The following HDAC9 variants were observed in gnomAD, a reference collection of about 807,000 sequenced individuals.
HDAC9 encodes the protein histone deacetylase 9.
A neutral mutation model predicts 139.4 loss-of-function variants in HDAC9; 41 were observed. The ratio of observed to expected loss-of-function variants is 0.29; its 90% CI spans 0.23 to 0.38. The LOEUF (loss-of-function observed/expected upper bound fraction) is 0.38, where lower values mean the gene tolerates loss of function less well. HDAC9 is among the 10% of genes least tolerant of loss of function. The pLI is 1.00. For missense variants in HDAC9, 1,147 were observed against 1,297.0 expected, an observed-to-expected ratio of 0.88 and a Z score of 1.78; for synonymous variants, 517 against 476.2, an observed-to-expected ratio of 1.09 and a Z score of -1.12.
intron 2 of HDAC9, among the ~76,000 whole-genome samples, chr7:18,542,330 A>T (rs575583119): frequency 1.3e-5 from 2 of 152,114 alleles, no homozygotes; most frequent in Non-Finnish European, 2.9e-5. Context: ...TCTATACCTC[A>T]ATTTCCTCAT....
chr7:18,151,027 A>G (rs1786740908), intron 1 of HDAC9, among the ~76,000 whole-genome samples: 1 of 152,152 alleles, frequency 6.6e-6, no homozygotes, highest in Non-Finnish European at 1.5e-5. Flanking sequence ...ATATGTGTTA[A>G]TCTGTCTCAG....
intron 1 of HDAC9, among the ~76,000 whole-genome samples, chr7:18,121,812 T>G (rs1784381175): frequency 6.8e-6 from 1 of 148,048 alleles, no homozygotes; most frequent in African/African-American, 2.4e-5. Flanking sequence ...TTACTAATGA[T>G]TGCAATTTAT....
chr7:18,997,714 A>G lies in HDAC9; in HGVS notation c.*1652A>G, dbSNP rs1786545955. 6.6e-6 allele frequency: 1 copy of G among 152,168 alleles called. No homozygotes were observed. Among genetic ancestry groups the G allele is most frequent in the African/African-American group, 2.4e-5 (1 of 41,458 alleles). The allele number at this position is 152,168 out of a possible 1,614,324, so 9.4% of individuals were successfully genotyped here. ...GAGAGGACTCTAACCTGTAAATCAA[A>G]GATGAAAGATTTCACTCAAGTAGAA... is the stretch of plus-strand genomic sequence containing the variant. On this transcript the variant is annotated 3_prime_UTR_variant, in exon 26 of 26. Coordinates refer to ENST00000686413, the MANE Select transcript of HDAC9 (RefSeq NM_178425.4).
At chr7:18,958,537 C>T (rs979983320) in intron 24 of HDAC9, among the ~76,000 whole-genome samples, 1 of 152,124 alleles carries the variant, frequency 6.6e-6, no homozygotes, top group Non-Finnish European at 1.5e-5. Context: ...TTCAGACCTA[C>T]AAAAGGAAAT....
chr7:18,379,765 C>T (rs566903367), intron 1 of HDAC9, among the ~76,000 whole-genome samples: 1 of 152,138 alleles, frequency 6.6e-6, no homozygotes, highest in Non-Finnish European at 1.5e-5. Flanking sequence ...CTGAGGCTTG[C>T]GGTACATTAT....
intron 22 of HDAC9, among the ~76,000 whole-genome samples, chr7:18,883,537 C>G (rs549343046): frequency 6.6e-6 from 1 of 152,006 alleles, no homozygotes; most frequent in Admixed American, 6.6e-5. Flanking sequence ...AGGAATGTAC[C>G]TCAACAAAAT....
At chr7:18,588,263 A>G (rs1300583322) in intron 3 of HDAC9, among the ~76,000 whole-genome samples, 1 of 152,082 alleles carries the variant, frequency 6.6e-6, no homozygotes, top group Non-Finnish European at 1.5e-5. Flanking sequence ...TAGGCACCTA[A>G]TGTAAAAAAC....
intron 13 of HDAC9, among the ~76,000 whole-genome samples, chr7:18,733,236 CAT>C (rs1387040134): frequency 6.8e-6 from 1 of 146,656 alleles, no homozygotes. Context: ...CACATATATA[CAT>C]GTGTATATAT....
intron 2 of HDAC9, among the ~76,000 whole-genome samples, chr7:18,169,260 A>T (rs1788234859): frequency 6.6e-6 from 1 of 151,956 alleles, no homozygotes; most frequent in Non-Finnish European, 1.5e-5. Flanking sequence ...TTTATGAACA[A>T]AATAGAAGTA....
In HDAC9 at chr7:18,581,453, C is replaced by A. The variant is rs1827806731; in HGVS notation, c.23-3828C>A. ...AAGTCAAATTACCCTTTGAGGTTTACAATAACTGTTTCAGAGACTTGTAGG... is the reference window on the plus strand; with the variant it reads ...AAGTCAAATTACCCTTTGAGGTTTAAAATAACTGTTTCAGAGACTTGTAGG... On this transcript the variant is annotated intron_variant, in intron 2 of 25. Transcript: ENST00000686413. Among the ~76,000 whole-genome samples, 3 of 152,228 alleles carry A rather than the reference C, an allele frequency of 2.0e-5. No homozygotes were observed. In the South Asian group the frequency reaches 6.2e-4, roughly 32 times the overall value.
intron 25 of HDAC9, among the ~76,000 whole-genome samples, chr7:18,990,729 T>G (rs537205834): frequency 2.6e-5 from 4 of 152,344 alleles, no homozygotes; most frequent in East Asian, 1.9e-4. Flanking sequence ...CTCCGAGCCA[T>G]GTGCGGGATA....
intron 12 of HDAC9, among the ~76,000 whole-genome samples, chr7:18,721,733 C>T (rs1444512587): frequency 6.6e-6 from 1 of 151,102 alleles, no homozygotes; most frequent in Non-Finnish European, 1.5e-5. Context: ...GAAAGCAAAG[C>T]AAAACAAAAC....
chr7:18,941,491 T>A (rs1782025898), intron 23 of HDAC9, among the ~76,000 whole-genome samples: 1 of 152,154 alleles, frequency 6.6e-6, no homozygotes, highest in African/African-American at 2.4e-5. Context: ...CATCAGGGGT[T>A]TGTTTTCATT....
intron 16 of HDAC9, among the ~76,000 whole-genome samples, chr7:18,776,263 G>A (rs1382354288): frequency 6.6e-6 from 1 of 151,936 alleles, no homozygotes; most frequent in African/African-American, 2.4e-5. Context: ...CCAAGAGCTA[G>A]GAAGCGCAGT....
intron 2 of HDAC9, among the ~76,000 whole-genome samples, chr7:18,212,580 A>G (rs1792019706): frequency 1.3e-5 from 2 of 152,200 alleles, no homozygotes. Context: ...AAAATGGGAT[A>G]ATAATTGTAC....
intron 12 of HDAC9, among the ~76,000 whole-genome samples, chr7:18,703,270 A>T (rs1221797009): frequency 6.6e-6 from 1 of 152,188 alleles, no homozygotes; most frequent in Admixed American, 6.5e-5. Context: ...GAAACAAAAA[A>T]ATTAATGATA....
intron 1 of HDAC9, among the ~76,000 whole-genome samples, chr7:18,448,471 A>G (rs1309441282): frequency 6.6e-6 from 1 of 152,188 alleles, no homozygotes; most frequent in Non-Finnish European, 1.5e-5. Flanking sequence ...TAAAGATTTT[A>G]TATATGTATG....
chr7:18,478,430 G>C (rs1795295655), intron 1 of HDAC9, among the ~76,000 whole-genome samples: 1 of 152,190 alleles, frequency 6.6e-6, no homozygotes, highest in African/African-American at 2.4e-5. Flanking sequence ...GCACTCTCAG[G>C]ATGATGGGCT....
At chr7:18,354,608 A>G (rs985509419) in intron 1 of HDAC9, among the ~76,000 whole-genome samples, 2 of 152,298 alleles carry the variant, frequency 1.3e-5, no homozygotes, top group African/African-American at 2.4e-5. Flanking sequence ...TAAAGCATCA[A>G]TTGCTTAGGA....
Sources: gnomAD v4.1 joint callset for allele counts (sites outside exome capture counted in the v4.1 genomes callset) on GRCh38, gnomAD v4.1.1 for gene constraint, MANE v1.5 for transcripts, NCBI Gene and HGNC (gene_info 2026-07-23, HGNC 2026-07-21) for gene names.